Variants in DRC4 observed in about 807,000 individuals in gnomAD.
DRC4 encodes the protein dynein regulatory complex subunit 4, also known as GAS-11.
chr16:90,037,921 G>A, the DRC4 span: 17 of 1,371,214 alleles, frequency 1.2e-5, no homozygotes, highest in Admixed American at 1.7e-5. Context: ...TCACCAAGGT[G>A]AGCGGGCACT....
At chr16:90,033,797 C>T in the DRC4 span, among the ~76,000 whole-genome samples, 371 of 152,022 alleles carry the variant, frequency 2.4e-3, 2 homozygotes, top group African/African-American at 8.5e-3. Flanking sequence ...ACAAAATAAA[C>T]GTGCCAGATA....
At chr16:90,035,535 T>C in the DRC4 span, 2 of 1,506,328 alleles carry the variant, frequency 1.3e-6, no homozygotes, top group Non-Finnish European at 1.8e-6. Context: ...TTAGGGAATA[T>C]GGAGGTGACC....
the DRC4 span, chr16:90,036,239 G>A: frequency 1.4e-6 from 1 of 724,346 alleles, no homozygotes; most frequent in Non-Finnish European, 2.3e-6. Flanking sequence ...AAACCCCTTT[G>A]TTCTTCTCTT....
At chr16:90,025,548 G>T in the DRC4 span, among the ~76,000 whole-genome samples, 2 of 150,242 alleles carry the variant, frequency 1.3e-5, no homozygotes, top group Admixed American at 1.3e-4. Context: ...TACTCAGGAG[G>T]CTGAGGCAGG....
At chr16:90,027,231 G>A in the DRC4 span, among the ~76,000 whole-genome samples, 6 of 151,824 alleles carry the variant, frequency 4.0e-5, no homozygotes, top group African/African-American at 1.2e-4. Context: ...GACTACAGGC[G>A]CCCACCGGCA....
chr16:90,019,678 G>A, the DRC4 span: 4 of 547,738 alleles, frequency 7.3e-6, no homozygotes, highest in Non-Finnish European at 9.5e-6. This position sits in a 1 kb window ranked among gnomAD's most constrained non-coding sequence, Gnocchi z 6.1. Flanking sequence ...CCGGGACCTG[G>A]CTGCGCCCTC....
the DRC4 span, among the ~76,000 whole-genome samples, chr16:90,024,328 C>T: frequency 6.6e-6 from 1 of 152,018 alleles, no homozygotes; most frequent in Non-Finnish European, 1.5e-5. Flanking sequence ...GTGCACCGGC[C>T]CAGTCAGATT....
chr16:90,022,805 A>G, the DRC4 span: 1 of 1,235,180 alleles, frequency 8.1e-7, no homozygotes. Context: ...GTACACGGAG[A>G]CCCTGGGAAT....
At chr16:90,040,327 C>T in the DRC4 span, 356 of 1,597,230 alleles carry the variant, frequency 2.2e-4, no homozygotes, top group Non-Finnish European at 2.7e-4. Context: ...CGAGCTCTAT[C>T]GGAAGTTCAC....
chr16:90,033,812 A>T, the DRC4 span, among the ~76,000 whole-genome samples: 1 of 151,934 alleles, frequency 6.6e-6, no homozygotes, highest in East Asian at 1.9e-4. Flanking sequence ...CAGATACAAC[A>T]GAGTATCTGG....
At chr16:90,041,090 C>T in the DRC4 span, among the ~76,000 whole-genome samples, 13 of 152,248 alleles carry the variant, frequency 8.5e-5, no homozygotes, top group East Asian at 1.2e-3. Flanking sequence ...GTGGGGGAGG[C>T]GTGTTTCCAG....
the DRC4 span, chr16:90,032,635 T>A: frequency 7.8e-6 from 10 of 1,288,028 alleles, no homozygotes; most frequent in Non-Finnish European, 1.1e-5. Flanking sequence ...ACAGGTGTGC[T>A]ATGGGTGACC....
At chr16:90,024,474 A>C in the DRC4 span, among the ~76,000 whole-genome samples, 1 of 152,214 alleles carries the variant, frequency 6.6e-6, no homozygotes, top group Admixed American at 6.5e-5. Flanking sequence ...TGAAACATGC[A>C]TTACATCATT....
At chr16:90,029,147 A>C in the DRC4 span, 1 of 1,345,770 alleles carries the variant, frequency 7.4e-7, no homozygotes, top group Non-Finnish European at 9.9e-7. Flanking sequence ...CCTACGGGGC[A>C]GCCTACGGGG....
At chr16:90,029,361 C>T in the DRC4 span, 2 of 1,292,564 alleles carry the variant, frequency 1.5e-6, no homozygotes, top group Admixed American at 2.1e-5. Context: ...TGGGGAGTGC[C>T]TTGTGGGCCT....
chr16:90,028,254 G>A, the DRC4 span, among the ~76,000 whole-genome samples: 5 of 137,840 alleles, frequency 3.6e-5, no homozygotes, highest in South Asian at 2.4e-4. Flanking sequence ...GCGCGATCTC[G>A]GCTCACTGTG....
At chr16:90,044,342 C>T in the DRC4 span, 1 of 409,432 alleles carries the variant, frequency 2.4e-6, no homozygotes, top group African/African-American at 2.1e-5. Flanking sequence ...GCTGCCTGGA[C>T]ACCTTTCTTT....
At chr16:90,035,967 G>T in the DRC4 span, 4 of 1,304,048 alleles carry the variant, frequency 3.1e-6, no homozygotes, top group Admixed American at 1.2e-4. Flanking sequence ...ATTCAGTGCC[G>T]TGGGCAGCCT....
the DRC4 span, among the ~76,000 whole-genome samples, chr16:90,020,467 T>A: frequency 6.6e-6 from 1 of 152,160 alleles, no homozygotes; most frequent in African/African-American, 2.4e-5. Flanking sequence ...CAGAGGGCAG[T>A]CGGTTTGTTT....
Sources: gnomAD v4.1 joint callset for allele counts (sites outside exome capture counted in the v4.1 genomes callset) on GRCh38, gnomAD v4.1.1 for gene constraint, Gnocchi (gnomAD v3.1) non-coding constraint, MANE v1.5 for transcripts, NCBI Gene and HGNC (gene_info 2026-07-23, HGNC 2026-07-21) for gene names.